The following ZNF444 variants were observed in gnomAD, a reference collection of about 807,000 sequenced individuals.
ZNF444 encodes the protein endothelial zinc finger protein 2.
ZNF444 carries 8 observed loss-of-function variants against 14.4 expected under a neutral mutation model. That is an observed-to-expected ratio of 0.56 (90% CI 0.33 to 1.00). ZNF444 has a LOEUF of 1.00. Among genes scored for constraint, ZNF444 ranks in the 50% least tolerant of loss-of-function variants. ZNF444 has a pLI of 0.03. For missense variants in ZNF444, 510 were observed against 504.8 expected (o/e 1.01, Z -0.10); for synonymous variants, 258 against 235.9 (o/e 1.09, Z -0.86).
In ZNF444 at chr19:56,160,061, G is replaced by T; in HGVS notation, c.844G>T (p.Glu282Ter). The T allele has an allele frequency of 6.6e-7, 1 of 1,506,632 alleles. No individual in the cohort carries two copies. Among genetic ancestry groups the T allele is most frequent in the Non-Finnish European group, 8.8e-7 (1 of 1,132,742 alleles). 93.3% of individuals were successfully genotyped at this position (1,506,632 alleles called of 1,614,324 possible). Residue 282 changes from glutamate (E) to a stop codon, truncating the protein, a stop_gained, in exon 5 of 5, where the codon GAG becomes TAG. Transcript: ENST00000337080. LOFTEE classifies it low-confidence loss of function (END_TRUNC). ...GGGAGCGCGGCCCTTTGCCTGCTGG[G>T]AGTGTGGCAAGGGCTTCGGGCGCCG... ...HSGARPFACW[E>*]CGKGFGRREH...
In ZNF444 at chr19:56,147,589, C is replaced by T. The variant is rs1452748940; in HGVS notation, c.297+381C>T. ...CCCGCCCGCACGCAGGGGGTCTTGC[C>T]GGCCAGGAATTCTCCTCAGACCGTG... On this transcript the variant is annotated intron_variant, in intron 3 of 4. Coordinates refer to ENST00000337080, the MANE Select transcript of ZNF444 (RefSeq NM_018337.4). This position sits in a 1 kb window ranked among gnomAD's most constrained non-coding sequence, Gnocchi z 5.9. 1.8e-4 allele frequency among the ~76,000 whole-genome samples: 28 copies of T among 152,150 alleles called. No individual in the cohort carries two copies. The highest frequency in any genetic ancestry group is 1.8e-3 in the Admixed American group (28 of 15,284).
At chr19:56,140,205 G>C (rs1257102530), upstream of ZNF444, among the ~76,000 whole-genome samples, 1 of 152,160 alleles carries the variant, frequency 6.6e-6, no homozygotes, top group Non-Finnish European at 1.5e-5. Flanking sequence ...GGAGTCTTCA[G>C]ATCAGCCGGG....
In ZNF444 at chr19:56,160,607, G is replaced by T. The variant is rs2032235376; in HGVS notation, c.*406G>T. On this transcript the variant is annotated 3_prime_UTR_variant, in exon 5 of 5. Coordinates refer to ENST00000337080, the MANE Select transcript of ZNF444 (RefSeq NM_018337.4). ...GGACCCCTGAGGGGCAGGCCAGGAG[G>T]AGCTCGGGCGCAGGCCAGGCCCCCT... 1 of 195,066 alleles carries T rather than the reference G, an allele frequency of 5.1e-6. No individual in the cohort carries two copies. Among genetic ancestry groups the T allele is most frequent in the Non-Finnish European group, 1.0e-5 (1 of 96,962 alleles). 12.1% of individuals were successfully genotyped at this position (195,066 alleles called of 1,614,324 possible). A position where few individuals can be genotyped will look rare whatever the true frequency, so the allele number is the denominator to read the frequency against.
rs908450030 is a variant in ZNF444, at chr19:56,160,417, C to A, written c.*216C>A. ...TCCTTCTCAGGTCTCACCTCAGCCC[C>A]CCCCTTCTCCCTGATTTCTCGGCCT... On this transcript the variant is annotated 3_prime_UTR_variant, in exon 5 of 5. Transcript: ENST00000337080. 7 of 483,120 alleles carry A rather than the reference C, an allele frequency of 1.4e-5. No homozygotes were observed. The highest frequency in any genetic ancestry group is 2.2e-5 in the Non-Finnish European group (6 of 277,308). The allele number at this position is 483,120 out of a possible 1,614,324, so 29.9% of individuals were successfully genotyped here. A position where few individuals can be genotyped will look rare whatever the true frequency, so the allele number is the denominator to read the frequency against.
Position 56,147,269 on chromosome 19 carries a change from G to A in ZNF444, c.297+61G>A. 1.4e-6 allele frequency: 2 copies of A among 1,386,332 alleles called. No homozygotes were observed. The highest frequency in any genetic ancestry group is 1.9e-6 in the Non-Finnish European group (2 of 1,075,986). 85.9% of individuals were successfully genotyped at this position (1,386,332 alleles called of 1,614,324 possible). ...GGGGAAGGTGCCAGGGAAGCCACCAGGAAGCCCAGGGAGGAGCACCACTGA... is the reference window on the plus strand; with the variant it reads ...GGGGAAGGTGCCAGGGAAGCCACCAAGAAGCCCAGGGAGGAGCACCACTGA... On this transcript the variant is annotated intron_variant, in intron 3 of 4. Coordinates refer to ENST00000337080, the MANE Select transcript of ZNF444 (RefSeq NM_018337.4). The surrounding 1 kb of genome is among the most constrained non-coding windows in gnomAD (Gnocchi z 5.9).
intron 3 of ZNF444, chr19:56,155,778 G>T (rs138018028): frequency 1.3e-5 from 2 of 152,370 alleles, no homozygotes; most frequent in Non-Finnish European, 2.9e-5. Flanking sequence ...GACCACAGAA[G>T]ACGTCTGTGA....
chr19:56,147,889 G>A lies in ZNF444; in HGVS notation c.297+681G>A, dbSNP rs571948941. On this transcript the variant is annotated intron_variant, in intron 3 of 4. Transcript: ENST00000337080. This position sits in a 1 kb window ranked among gnomAD's most constrained non-coding sequence, Gnocchi z 5.9. ...ACACAGCAGGCAAGGGCCGACTCAC[G>A]TTCTGGGTGAAGTCTTGGTGCACAG... 2.3e-4 allele frequency among the ~76,000 whole-genome samples: 35 copies of A among 152,270 alleles called. No individual in the cohort carries two copies. Among genetic ancestry groups the A allele is most frequent in the African/African-American group, 7.7e-4 (32 of 41,548 alleles).
intron 1 of ZNF444, among the ~76,000 whole-genome samples, chr19:56,142,830 A>T (rs1395386324): frequency 1.3e-5 from 2 of 152,172 alleles, no homozygotes; most frequent in African/African-American, 4.8e-5. Context: ...CTTAGCCATG[A>T]TATTAACCCA....
At chr19:56,141,179 G>T (rs985937706), upstream of ZNF444, 1 of 151,644 alleles carries the variant, frequency 6.6e-6, no homozygotes, top group Non-Finnish European at 1.5e-5. Context: ...TGTAGTTCGG[G>T]GTGAGGCCGG....
intron 1 of ZNF444, among the ~76,000 whole-genome samples, chr19:56,135,446 C>T (rs968407927): frequency 6.6e-6 from 1 of 151,940 alleles, no homozygotes; most frequent in African/African-American, 2.4e-5. Flanking sequence ...GCAGGTCCAG[C>T]CACGGTTGGT....
At chr19:56,150,541 G>T (rs2031512390) in intron 3 of ZNF444, 1 of 402,924 alleles carries the variant, frequency 2.5e-6, no homozygotes, top group Admixed American at 2.8e-5. Flanking sequence ...ACACAGACGG[G>T]AATAACACTG....
chr19:56,138,426 A>G (rs2030660045), upstream of ZNF444, among the ~76,000 whole-genome samples: 1 of 152,126 alleles, frequency 6.6e-6, no homozygotes, highest in African/African-American at 2.4e-5. Context: ...CAGGAGTTTA[A>G]ACCCAGCCTG....
rs531985869 is a variant in ZNF444, at chr19:56,144,590, C to T, written c.-196-1657C>T. On this transcript the variant is annotated intron_variant, in intron 1 of 4. Coordinates refer to ENST00000337080, the MANE Select transcript of ZNF444 (RefSeq NM_018337.4). This position sits in a 1 kb window ranked among gnomAD's most constrained non-coding sequence, Gnocchi z 4.0. ...GGCAGCCGTCCCAGCAATGAGATGACGTTTGTGGTTAGTGACATGGCGGTC... is the reference window on the plus strand; with the variant it reads ...GGCAGCCGTCCCAGCAATGAGATGATGTTTGTGGTTAGTGACATGGCGGTC... Among the ~76,000 whole-genome samples the T allele has an allele frequency of 1.3e-5, 2 of 152,090 alleles. No individual in the cohort carries two copies. The highest frequency in any genetic ancestry group is 1.9e-4 in the East Asian group (1 of 5,194).
chr19:56,134,557 G>T (rs2030568749), intron 1 of ZNF444, among the ~76,000 whole-genome samples: 1 of 152,150 alleles, frequency 6.6e-6, no homozygotes, highest in South Asian at 2.1e-4. Flanking sequence ...ACAGGTGTGG[G>T]GGTGGTCTGG....
At chr19:56,140,931 G>C (rs903115936), upstream of ZNF444, 98 of 152,230 alleles carry the variant, frequency 6.4e-4, no homozygotes, top group African/African-American at 2.3e-3. Flanking sequence ...CCCGCGCGCA[G>C]ACCACTGGGA....
chr19:56,136,265 G>C (rs1227115171), intron 1 of ZNF444, among the ~76,000 whole-genome samples: 1 of 151,988 alleles, frequency 6.6e-6, no homozygotes, highest in Admixed American at 6.6e-5. Context: ...GGGTGGGTTT[G>C]GAGCCCTGCC....
At chr19:56,159,391 C>T (rs2032124231) in intron 4 of ZNF444, among the ~76,000 whole-genome samples, 1 of 152,172 alleles carries the variant, frequency 6.6e-6, no homozygotes, top group African/African-American at 2.4e-5. Context: ...ACGCATTCAT[C>T]TACCCATCCA....
At chr19:56,142,202 C>T (rs1300840769) in intron 1 of ZNF444, 4 of 152,206 alleles carry the variant, frequency 2.6e-5, no homozygotes, top group African/African-American at 4.8e-5. Flanking sequence ...GACAAAGTAA[C>T]CCTAAGTCTG....
At chr19:56,155,709 AG>A (rs147439500) in intron 3 of ZNF444, 13,762 of 152,384 alleles carry the variant, frequency 0.09, 967 homozygotes, top group African/African-American at 0.19. Flanking sequence ...GTTCAGGGGC[AG>A]GGGGGGATCT....
Sources: allele counts gnomAD v4.1 joint callset (sites outside exome capture counted in the v4.1 genomes callset), GRCh38; gene constraint gnomAD v4.1.1; non-coding constraint Gnocchi (gnomAD v3.1); transcripts MANE v1.5; gene names NCBI Gene and HGNC (gene_info 2026-07-23, HGNC 2026-07-21).